METTL6: variants seen among roughly 807,000 people sequenced by gnomAD.
The protein encoded by METTL6 is tRNA N(3)-cytidine methyltransferase METTL6.
A neutral mutation model predicts 26.4 loss-of-function variants in METTL6; 22 were observed. The ratio of observed to expected loss-of-function variants is 0.83; its 90% CI spans 0.59 to 1.19. METTL6 has a LOEUF of 1.19. Ranked by LOEUF, METTL6 falls within the 50% of genes most tolerant of loss-of-function variation. The pLI is 0.00. For synonymous variants in METTL6, 109 were observed against 116.2 expected, an observed-to-expected ratio of 0.94 and a Z score of 0.40; for missense variants, 304 against 324.8, an observed-to-expected ratio of 0.94 and a Z score of 0.49.
chr3:15,391,406 T>A (rs1699341271), intron 6 of METTL6, among the ~76,000 whole-genome samples: 1 of 152,190 alleles, frequency 6.6e-6, no homozygotes, highest in South Asian at 2.1e-4. Flanking sequence ...AGCCTTCTTT[T>A]TTTTTAATCC....
At chr3:15,426,998 G>A (rs1290548964) in intron 1 of METTL6, among the ~76,000 whole-genome samples, 1 of 152,248 alleles carries the variant, frequency 6.6e-6, no homozygotes, top group Non-Finnish European at 1.5e-5. Context: ...GGCCTTAGCT[G>A]GAAGCGGGTG....
exon 7 of METTL6, chr3:15,383,417 T>A (rs1184345100): frequency 6.7e-6 from 1 of 149,880 alleles, no homozygotes; most frequent in African/African-American, 2.5e-5. Context: ...TTTTTTTTTT[T>A]ATTAGAGACA....
At chr3:15,412,094 T>A (rs946145097) in intron 5 of METTL6, among the ~76,000 whole-genome samples, 12 of 152,206 alleles carry the variant, frequency 7.9e-5, no homozygotes, top group African/African-American at 2.7e-4. Context: ...AATTATCTTA[T>A]TGTTTCCCAT....
chr3:15,409,298 T>C (rs1349985458), downstream of METTL6, among the ~76,000 whole-genome samples: 2 of 152,172 alleles, frequency 1.3e-5, no homozygotes, highest in Admixed American at 1.3e-4. Flanking sequence ...AGTCCAGTCA[T>C]GTACTCAAGA....
At chr3:15,387,732 T>A (rs1212327370) in intron 6 of METTL6, among the ~76,000 whole-genome samples, 1 of 152,096 alleles carries the variant, frequency 6.6e-6, no homozygotes, top group Non-Finnish European at 1.5e-5. Context: ...GTAATTCTGT[T>A]GAGGTACAAT....
chr3:15,395,986 T>C (rs1699476903), intron 6 of METTL6, among the ~76,000 whole-genome samples: 1 of 152,172 alleles, frequency 6.6e-6, no homozygotes, highest in Non-Finnish European at 1.5e-5. Flanking sequence ...GAGTTGCTCT[T>C]CTCGAGGAGT....
At position 15,424,885 on chromosome 3, in the gene METTL6, A is replaced by T. The variant is rs941556017; in HGVS notation, c.360+70T>A. ...GAAGACTAGAATTGGGCAAATGAATAAAAAAGGCAGATCAAACAAGATCGG... is the reference window on the plus strand; with the variant it reads ...GAAGACTAGAATTGGGCAAATGAATTAAAAAGGCAGATCAAACAAGATCGG... On this transcript the variant is annotated intron_variant, in intron 3 of 5. Transcript: ENST00000383790. 13 of 1,598,836 alleles carry T rather than the reference A, an allele frequency of 8.1e-6. No individual in the cohort carries two copies. The African/African-American group carries it at 1.1e-4, about 13-fold the overall frequency.
intron 2 of METTL6, 47 bp from the exon 3 acceptor site, chr3:15,425,136 G>A (rs201605114): frequency 3.1e-6 from 5 of 1,601,410 alleles, no homozygotes; most frequent in Non-Finnish European, 4.3e-6. Flanking sequence ...TTTGCATAAT[G>A]AAGAAATAAA....
chr3:15,391,426 A>AT (rs991264559), intron 6 of METTL6, among the ~76,000 whole-genome samples: 14 of 151,802 alleles, frequency 9.2e-5, no homozygotes, highest in Non-Finnish European at 1.9e-4. Flanking sequence ...CTCCATGCAC[A>AT]TTTTTGTGCT....
At chr3:15,406,358 G>A (rs1480678777), downstream of METTL6, among the ~76,000 whole-genome samples, 2 of 151,290 alleles carry the variant, frequency 1.3e-5, no homozygotes, top group Admixed American at 6.6e-5. Flanking sequence ...TGTGTCCAGC[G>A]AGAATGAACA....
In METTL6 at chr3:15,426,378, C is replaced by A; in HGVS notation, c.134G>T (p.Trp45Leu). 3 of 1,614,218 alleles carry A rather than the reference C, an allele frequency of 1.9e-6. No individual in the cohort carries two copies. The highest frequency in any genetic ancestry group is 2.5e-6 in the Non-Finnish European group (3 of 1,180,026). ...GCTATTTCTTTTGTAAAAAAGATCC[C>A]AATTTTTCTGAGCCTCTTGTTCCAA... is the stretch of plus-strand genomic sequence containing the variant. ...QKLEQEAQKN[W>L]DLFYKRNSTN... The change falls in exon 2 of 6, where the codon TGG (tryptophan) becomes TTG (leucine). Residue 45 changes from tryptophan to leucine, a missense_variant. Coordinates refer to ENST00000383790, the MANE Select transcript of METTL6 (RefSeq NM_152396.4).
intron 5 of METTL6, among the ~76,000 whole-genome samples, chr3:15,413,099 G>A (rs1241584563): frequency 6.6e-6 from 1 of 152,136 alleles, no homozygotes; most frequent in Admixed American, 6.5e-5. Flanking sequence ...ACAAAAATTA[G>A]TTGGGTGTGG....
At chr3:15,394,645 A>T (rs11921300) in intron 6 of METTL6, among the ~76,000 whole-genome samples, 3,182 of 152,012 alleles carry the variant, frequency 0.021, 25 homozygotes, top group African/African-American at 0.07. Flanking sequence ...AGTGCTATAA[A>T]TTTCCCTGTA....
intron 6 of METTL6, among the ~76,000 whole-genome samples, chr3:15,387,741 A>G (rs1274354069): frequency 6.6e-6 from 1 of 152,180 alleles, no homozygotes; most frequent in African/African-American, 2.4e-5. Context: ...TTGAGGTACA[A>G]TAAACGATTG....
intron 6 of METTL6, among the ~76,000 whole-genome samples, chr3:15,393,527 C>T (rs572920766): frequency 1.3e-5 from 2 of 152,184 alleles, no homozygotes; most frequent in African/African-American, 4.8e-5. Context: ...GAACTTCCAA[C>T]ACTATGTTGA....
intron 2 of METTL6, 75 bp from the exon 3 acceptor site, chr3:15,425,164 G>A: frequency 6.5e-7 from 1 of 1,534,276 alleles, no homozygotes; most frequent in Admixed American, 1.9e-5. Context: ...AAAAGGTCCA[G>A]AATATGAGAG....
At chr3:15,390,954 G>C (rs181733479) in intron 6 of METTL6, among the ~76,000 whole-genome samples, 1 of 152,196 alleles carries the variant, frequency 6.6e-6, no homozygotes, top group Admixed American at 6.5e-5. Flanking sequence ...GATTTTACTG[G>C]GCGATCAAAG....
At chr3:15,393,027 T>C (rs1699391608) in intron 6 of METTL6, among the ~76,000 whole-genome samples, 1 of 152,240 alleles carries the variant, frequency 6.6e-6, no homozygotes, top group South Asian at 2.1e-4. Context: ...TTTCCAATTC[T>C]GTGAAGAAAG....
intron 6 of METTL6, among the ~76,000 whole-genome samples, chr3:15,400,199 C>T (rs1363139346): frequency 6.6e-6 from 1 of 152,056 alleles, no homozygotes; most frequent in Non-Finnish European, 1.5e-5. Flanking sequence ...CCTCTCCCTT[C>T]TAGAATTTGT....
Sources: gnomAD v4.1 joint callset for allele counts (sites outside exome capture counted in the v4.1 genomes callset) on GRCh38, gnomAD v4.1.1 for gene constraint, MANE v1.5 for transcripts, NCBI Gene and HGNC (gene_info 2026-07-23, HGNC 2026-07-21) for gene names.